Variants in ADAMTSL2 observed in about 807,000 individuals in gnomAD.
The protein encoded by ADAMTSL2 is ADAMTS-like protein 2.
A neutral mutation model predicts 117.0 loss-of-function variants in ADAMTSL2; 55 were observed. That is an observed-to-expected ratio of 0.47 (90% CI 0.38 to 0.59). The LOEUF (loss-of-function observed/expected upper bound fraction) is 0.59, where lower values mean the gene tolerates loss of function less well. Among genes scored for constraint, ADAMTSL2 ranks in the 20% least tolerant of loss-of-function variants. The pLI, the probability that ADAMTSL2 is intolerant of heterozygous loss-of-function variation, is 0.00. For missense variants in ADAMTSL2, 1,182 were observed against 1,354.5 expected (o/e 0.87, Z 2.00); for synonymous variants, 572 against 566.4 (o/e 1.01, Z -0.14).
Position 133,547,145 on chromosome 9 carries a change from G to A in ADAMTSL2, c.871G>A (p.Asp291Asn). ...GGTGGTCAAGTACAGGCGGCCCATG[G>A]ATGTCTATGAGACCGGAATCGAGTA... ...GTVVKYRRPMDVYETGIEYIV... is the reference protein window; with the variant it reads ...GTVVKYRRPMNVYETGIEYIV... The change falls in exon 9 of 19, where the codon GAT becomes AAT. Residue 291 changes from aspartate (D) to asparagine (N), a missense_variant. Physicochemically the swap from Asp to Asn is conservative, Grantham distance 23. Transcript: ENST00000651351. 6.2e-7 allele frequency: 1 copy of A among 1,614,164 alleles called. No homozygotes were observed. Among genetic ancestry groups the A allele is most frequent in the Non-Finnish European group, 8.5e-7 (1 of 1,180,022 alleles).
intron 12 of ADAMTSL2, among the ~76,000 whole-genome samples, chr9:133,564,629 AGAGAGAGAGAGG>A (rs1284298837): frequency 0.18 from 12,086 of 67,200 alleles, 1,657 homozygotes; most frequent in Non-Finnish European, 0.2. Flanking sequence ...AGAGAGGGAG[AGAGAGAGAGAGG>A]GAGAGAGGGA....
chr9:133,550,677 A>G (rs1470883132), intron 9 of ADAMTSL2, among the ~76,000 whole-genome samples: 1 of 127,530 alleles, frequency 7.8e-6, no homozygotes, highest in Non-Finnish European at 1.8e-5. Context: ...CTTAGTGTTG[A>G]GGCCAGAGAC....
chr9:133,555,063 G>A (rs1004275943), intron 10 of ADAMTSL2, among the ~76,000 whole-genome samples: 15 of 152,084 alleles, frequency 9.9e-5, no homozygotes, highest in African/African-American at 2.7e-4. Context: ...ACCTCAGCTC[G>A]GACAGCACAG....
Position 133,564,623 on chromosome 9 carries a change from A to G in ADAMTSL2, c.1748-2313A>G, listed in dbSNP as rs868275291. ...GAGAGAGAGGGAGAGAGAGAGAGAG[A>G]GGGAGAGAGAGAGAGAGGGAGAGAG... is the stretch of plus-strand genomic sequence containing the variant. On this transcript the variant is annotated intron_variant, in intron 12 of 18. Coordinates refer to ENST00000651351, the MANE Select transcript of ADAMTSL2 (RefSeq NM_014694.4). 3.3e-4 allele frequency among the ~76,000 whole-genome samples: 12 copies of G among 36,406 alleles called. No individual in the cohort carries two copies. In the East Asian group the frequency reaches 3.8e-3, roughly 11 times the overall value. The allele number at this position is 36,406 out of a possible 152,430, so 23.9% of individuals were successfully genotyped here.
intron 13 of ADAMTSL2, 46 bp downstream of exon 13, chr9:133,567,108 GA>G (rs1484819518): frequency 6.4e-7 from 1 of 1,573,622 alleles, no homozygotes; most frequent in Non-Finnish European, 8.6e-7. Context: ...CAGGGGGCGT[GA>G]GGGGCTCTGC....
At chr9:133,544,419 A>G in intron 7 of ADAMTSL2, 51 bp from the exon 8 acceptor site, 1 of 1,497,010 alleles carries the variant, frequency 6.7e-7, no homozygotes, top group African/African-American at 1.4e-5. Context: ...AGTGCCACCC[A>G]AGGCTGCCTT....
chr9:133,544,412 G>A, intron 7 of ADAMTSL2, 58 bp from the exon 8 acceptor site: 1 of 1,431,316 alleles, frequency 7.0e-7, no homozygotes, highest in Non-Finnish European at 9.9e-7. Flanking sequence ...GTGGGCGAGT[G>A]CCACCCAAGG....
Position 133,569,561 on chromosome 9 carries a change from G to A in ADAMTSL2, c.2398G>A (p.Ala800Thr). Residue 800 changes from alanine (A) to threonine (T), a missense_variant, in exon 16 of 19, where the codon GCC (alanine) becomes ACC (threonine). By Grantham distance (58) the Ala-to-Thr change is moderately conservative. This residue lies in a region of ADAMTSL2 where 465 missense variants were observed against 565.3 expected (regional missense o/e 0.82). Coordinates refer to ENST00000651351, the MANE Select transcript of ADAMTSL2 (RefSeq NM_014694.4). Reference protein sequence around the residue: ...GDKNCPAHWLAQDWERCNTTC... With the variant: ...GDKNCPAHWLTQDWERCNTTC... The stretch of plus-strand genomic sequence containing the variant: ...CAAAAACTGTCCCGCCCACTGGCTG[G>A]CCCAGGACTGGGAGCGGGTGAGTGC... The A allele has an allele frequency of 2.5e-6, 4 of 1,580,726 alleles. No homozygotes were observed. Among genetic ancestry groups the A allele is most frequent in the Non-Finnish European group, 2.6e-6 (3 of 1,162,462 alleles).
Position 133,540,595 on chromosome 9 carries a change from C to A in ADAMTSL2, c.413-3C>A, listed in dbSNP as rs370314425. 10 of 1,613,402 alleles carry A rather than the reference C, an allele frequency of 6.2e-6. No homozygotes were observed. The highest frequency in any genetic ancestry group is 3.3e-5 in the South Asian group (3 of 91,070). Reference sequence around the variant, plus strand: ...ACCTTCTGTCTTTGTCTCCCTCCACCAGATGACTATGTCCACATCTCCAGC... The same window carrying A: ...ACCTTCTGTCTTTGTCTCCCTCCACAAGATGACTATGTCCACATCTCCAGC... On this transcript the variant is annotated splice_region_variant and splice_polypyrimidine_tract_variant and intron_variant, in intron 5 of 18. Transcript: ENST00000651351.
At chr9:133,548,512 G>A (rs1230261694) in intron 9 of ADAMTSL2, among the ~76,000 whole-genome samples, 1 of 152,114 alleles carries the variant, frequency 6.6e-6, no homozygotes, top group African/African-American at 2.4e-5. Context: ...GTGTGCAAGA[G>A]AGCTTGGGGG....
chr9:133,537,019 G>A (rs1280972695), intron 2 of ADAMTSL2, among the ~76,000 whole-genome samples: 4 of 152,228 alleles, frequency 2.6e-5, no homozygotes, highest in Non-Finnish European at 5.9e-5. Flanking sequence ...TGGCAGGCGA[G>A]GGCTGAGGGG....
upstream of ADAMTSL2, chr9:133,534,637 G>T: frequency 7.7e-7 from 1 of 1,305,136 alleles, no homozygotes; most frequent in Non-Finnish European, 9.8e-7. Flanking sequence ...GCGGCCTGGT[G>T]GGAAGTGTGA....
intron 15 of ADAMTSL2, among the ~76,000 whole-genome samples, chr9:133,568,983 G>C (rs1481812399): frequency 2.0e-5 from 3 of 152,032 alleles, no homozygotes; most frequent in African/African-American, 7.2e-5. Flanking sequence ...ATCTCTCTCT[G>C]CCTTTGTCTC....
chr9:133,545,423 T>G (rs1005155217), intron 8 of ADAMTSL2, among the ~76,000 whole-genome samples: 1 of 152,180 alleles, frequency 6.6e-6, no homozygotes, highest in Non-Finnish European at 1.5e-5. Flanking sequence ...AAGAGGAGGC[T>G]TTGCTGAAGG....
At chr9:133,550,151 T>A (rs1830450076) in intron 9 of ADAMTSL2, among the ~76,000 whole-genome samples, 1 of 152,208 alleles carries the variant, frequency 6.6e-6, no homozygotes, top group Admixed American at 6.5e-5. Flanking sequence ...CAAACTTGAT[T>A]TAGAGATGGG....
At chr9:133,552,332 GTTGAATC>G (rs58919743) in intron 9 of ADAMTSL2, among the ~76,000 whole-genome samples, 16,894 of 152,140 alleles carry the variant, frequency 0.11, 1,183 homozygotes, top group Non-Finnish European at 0.14. Flanking sequence ...TCTTCACAGG[GTTGAATC>G]TCTGCTCCTC....
intron 2 of ADAMTSL2, 66 bp from the exon 3 acceptor site, chr9:133,537,339 G>A: frequency 7.6e-7 from 1 of 1,321,866 alleles, no homozygotes; most frequent in South Asian, 2.8e-5. Flanking sequence ...TCGGGCATGG[G>A]GTGGGGGCAG....
At chr9:133,548,858 C>T (rs1202763821) in intron 9 of ADAMTSL2, among the ~76,000 whole-genome samples, 1 of 152,208 alleles carries the variant, frequency 6.6e-6, no homozygotes, top group East Asian at 1.9e-4. Flanking sequence ...GCGCTTTGCA[C>T]GAGTCTGCCT....
At position 133,537,513 on chromosome 9, in the gene ADAMTSL2, G is replaced by T; in HGVS notation, c.199G>T (p.Val67Leu). The T allele has an allele frequency of 1.5e-6, 2 of 1,352,406 alleles. No homozygotes were observed. The highest frequency in any genetic ancestry group is 1.9e-6 in the Non-Finnish European group (2 of 1,043,620). The allele number at this position is 1,352,406 out of a possible 1,614,324, so 83.8% of individuals were successfully genotyped here. ...GTGTTCCCGCAGTTGCGGGGGTGGG[G>T]TGACATCCCAGGAGCGGCACTGCCT... ...TACSRSCGGG[V>L]TSQERHCLQQ... Residue 67 changes from valine to leucine, a missense_variant, in exon 3 of 19, where the codon GTG becomes TTG. Transcript: ENST00000651351.
Sources: allele counts gnomAD v4.1 joint callset (sites outside exome capture counted in the v4.1 genomes callset), GRCh38; gene constraint gnomAD v4.1.1; regional missense constraint gnomAD v4.1.1; transcripts MANE v1.5; gene names NCBI Gene and HGNC (gene_info 2026-07-23, HGNC 2026-07-21).